NAALADL2: variants seen among roughly 807,000 people sequenced by gnomAD.
NAALADL2 encodes the protein inactive N-acetylated-alpha-linked acidic dipeptidase-like protein 2.
Under a neutral mutation model 87.2 loss-of-function variants are expected in NAALADL2, and 76 were observed. The ratio of observed to expected loss-of-function variants is 0.87; its 90% CI spans 0.72 to 1.05. The LOEUF (loss-of-function observed/expected upper bound fraction) is 1.05. NAALADL2 is among the 50% of genes least tolerant of loss of function. NAALADL2 has a pLI of 0.00. For synonymous variants in NAALADL2, 354 were observed against 331.0 expected (o/e 1.07, Z -0.75); for missense variants, 1,089 against 945.8 (o/e 1.15, Z -1.99).
chr3:175,210,403 C>T (rs1741595009), intron 2 of NAALADL2, among the ~76,000 whole-genome samples: 1 of 151,644 alleles, frequency 6.6e-6, no homozygotes, highest in Admixed American at 6.6e-5. Context: ...AGCACATACA[C>T]TTTGATCTTA....
chr3:174,534,635 T>G (rs1160298268), intron 1 of NAALADL2, among the ~76,000 whole-genome samples: 1 of 152,130 alleles, frequency 6.6e-6, no homozygotes, highest in East Asian at 1.9e-4. Flanking sequence ...AGAACACCTT[T>G]CCTACCATCT....
intron 11 of NAALADL2, among the ~76,000 whole-genome samples, chr3:175,682,178 C>A (rs1735684517): frequency 6.6e-6 from 1 of 151,508 alleles, no homozygotes; most frequent in Non-Finnish European, 1.5e-5. Context: ...ACCTGCAAAC[C>A]CAAATTCCAA....
intron 3 of NAALADL2, among the ~76,000 whole-genome samples, chr3:175,250,036 G>A (rs1012712772): frequency 4.6e-5 from 7 of 152,032 alleles, no homozygotes; most frequent in Non-Finnish European, 8.8e-5. Flanking sequence ...GGGCGTGGTG[G>A]CGCATGCCTG....
intron 1 of NAALADL2, among the ~76,000 whole-genome samples, chr3:175,038,505 A>G (rs772899752): frequency 1.3e-5 from 2 of 152,196 alleles, no homozygotes; most frequent in Non-Finnish European, 1.5e-5. Context: ...GCTTAAAAAT[A>G]AATTCATAAA....
chr3:175,139,327 T>C (rs1729639068), intron 2 of NAALADL2, among the ~76,000 whole-genome samples: 1 of 152,058 alleles, frequency 6.6e-6, no homozygotes, highest in Non-Finnish European at 1.5e-5. Context: ...AAGTGATTCA[T>C]TGAAAAAAAG....
intron 1 of NAALADL2, among the ~76,000 whole-genome samples, chr3:175,017,970 G>A (rs1751070152): frequency 2.0e-5 from 3 of 151,956 alleles, no homozygotes; most frequent in African/African-American, 7.2e-5. Context: ...CATATGAAAG[G>A]TGGTGCTGCA....
At chr3:174,661,447 T>G (rs1578461617) in intron 2 of NAALADL2, among the ~76,000 whole-genome samples, 2 of 152,178 alleles carry the variant, frequency 1.3e-5, no homozygotes, top group Admixed American at 6.5e-5. Context: ...CTTTAATAAC[T>G]TTTTACTATA....
chr3:174,816,206 G>A (rs903219470), intron 3 of NAALADL2, among the ~76,000 whole-genome samples: 6 of 151,160 alleles, frequency 4.0e-5, no homozygotes, highest in East Asian at 3.9e-4. Context: ...CTTCTTCATC[G>A]TATCCTTTTT....
At chr3:175,546,868 G>A (rs956553382) in intron 9 of NAALADL2, among the ~76,000 whole-genome samples, 2 of 152,010 alleles carry the variant, frequency 1.3e-5, no homozygotes, top group Admixed American at 6.6e-5. Flanking sequence ...CTAGGGAGGT[G>A]CAGTATATCT....
intron 2 of NAALADL2, among the ~76,000 whole-genome samples, chr3:175,228,744 A>G (rs1744521720): frequency 1.3e-5 from 2 of 152,076 alleles, no homozygotes; most frequent in East Asian, 3.9e-4. Flanking sequence ...TTCTAATAAT[A>G]TCCAACCTCT....
chr3:175,137,709 C>T (rs1164348132), intron 2 of NAALADL2, among the ~76,000 whole-genome samples: 1 of 151,510 alleles, frequency 6.6e-6, no homozygotes, highest in African/African-American at 2.4e-5. Flanking sequence ...AAGTGATTCT[C>T]CTGCCTCAGA....
intron 9 of NAALADL2, among the ~76,000 whole-genome samples, chr3:175,573,427 C>G (rs1451355956): frequency 2.0e-5 from 3 of 152,144 alleles, no homozygotes; most frequent in African/African-American, 7.2e-5. Flanking sequence ...GCAACAATCT[C>G]GATTTCACAA....
At chr3:175,401,836 C>T (rs750495473) in intron 5 of NAALADL2, among the ~76,000 whole-genome samples, 4 of 152,006 alleles carry the variant, frequency 2.6e-5, no homozygotes, top group African/African-American at 4.8e-5. Flanking sequence ...TGAAATACAT[C>T]GCTATTTTTC....
intron 1 of NAALADL2, among the ~76,000 whole-genome samples, chr3:174,525,095 G>A (rs551001113): frequency 3.3e-5 from 5 of 152,208 alleles, no homozygotes; most frequent in African/African-American, 1.2e-4. Flanking sequence ...CACCTATCTT[G>A]TTTGCACAAA....
intron 4 of NAALADL2, among the ~76,000 whole-genome samples, chr3:175,280,381 AT>A (rs1754133916): frequency 6.6e-6 from 1 of 152,118 alleles, no homozygotes; most frequent in Non-Finnish European, 1.5e-5. Flanking sequence ...ACCATTAAAG[AT>A]TTTATCAAGA....
intron 10 of NAALADL2, among the ~76,000 whole-genome samples, chr3:175,626,998 A>G: frequency 6.6e-6 from 1 of 151,838 alleles, no homozygotes; most frequent in East Asian, 1.9e-4. Context: ...TTCACCTCAA[A>G]TATTTAAGAT....
At chr3:174,838,224 G>A (rs1264081798) in intron 3 of NAALADL2, among the ~76,000 whole-genome samples, 1 of 151,976 alleles carries the variant, frequency 6.6e-6, no homozygotes, top group Admixed American at 6.6e-5. Flanking sequence ...ACCACATAAA[G>A]AGAATTAAAA....
chr3:175,542,846 A>G (rs1173615260), intron 9 of NAALADL2, among the ~76,000 whole-genome samples: 1 of 152,220 alleles, frequency 6.6e-6, no homozygotes. Flanking sequence ...GTGACCTTGA[A>G]GTGCCTTCAA....
At chr3:175,149,965 T>G (rs1051682711) in intron 2 of NAALADL2, among the ~76,000 whole-genome samples, 3 of 152,158 alleles carry the variant, frequency 2.0e-5, no homozygotes, top group Non-Finnish European at 4.4e-5. Flanking sequence ...CAACAGGTGC[T>G]GAATTCTAGA....
Sources: gnomAD v4.1 joint callset for allele counts (sites outside exome capture counted in the v4.1 genomes callset) on GRCh38, gnomAD v4.1.1 for gene constraint, MANE v1.5 for transcripts, NCBI Gene and HGNC (gene_info 2026-07-23, HGNC 2026-07-21) for gene names.